The following IDE variants were observed in gnomAD, a reference collection of about 807,000 sequenced individuals.
The protein encoded by IDE is insulin-degrading enzyme.
In IDE, 58 loss-of-function variants were observed where a neutral mutation model predicts 133.2. The ratio of observed to expected loss-of-function variants is 0.44; its 90% CI spans 0.35 to 0.54. The LOEUF (loss-of-function observed/expected upper bound fraction) is 0.54. Among genes scored for constraint, IDE ranks in the 20% least tolerant of loss-of-function variants. IDE has a pLI of 0.00. For synonymous variants in IDE, 396 were observed against 421.3 expected (o/e 0.94, Z 0.73); for missense variants, 981 against 1,234.0 (o/e 0.79, Z 3.07).
At chr10:92,454,610 G>T in intron 24 of IDE, 71 bp from the exon 25 acceptor site, 1 of 1,097,070 alleles carries the variant, frequency 9.1e-7, no homozygotes, top group Non-Finnish European at 1.4e-6. Context: ...ACTTTTTTTG[G>T]CGGACACTGG....
At chr10:92,550,405 T>A (rs1489026491) in intron 1 of IDE, among the ~76,000 whole-genome samples, 1 of 152,046 alleles carries the variant, frequency 6.6e-6, no homozygotes, top group Non-Finnish European at 1.5e-5. Context: ...ATGCTCAACA[T>A]CACTAATCAT....
At position 92,479,257 on chromosome 10, in the gene IDE, T is replaced by C. The variant is rs1437984806; in HGVS notation, c.1884+20A>G. ...TAAAAAATGTTGATGAGTGGAAGGC[T>C]CTAAGGCGTGGGTACTTACATACAT... On this transcript the variant is annotated intron_variant, in intron 15 of 24. Transcript: ENST00000265986. The C allele has an allele frequency of 6.3e-7, 1 of 1,583,390 alleles. No homozygotes were observed. Among genetic ancestry groups the C allele is most frequent in the Non-Finnish European group, 8.7e-7 (1 of 1,155,440 alleles).
Position 92,453,892 on chromosome 10 carries a change from G to T in IDE, c.*552C>A, listed in dbSNP as rs929756685. 14 of 152,138 alleles carry T rather than the reference G, an allele frequency of 9.2e-5. No individual in the cohort carries two copies. The highest frequency in any genetic ancestry group is 2.9e-5 in the Non-Finnish European group (2 of 68,042). 9.4% of individuals were successfully genotyped at this position (152,138 alleles called of 1,614,324 possible). A position where few individuals can be genotyped will look rare whatever the true frequency, so the allele number is the denominator to read the frequency against. ...AAAACATGTTCAAATTTTATAAAAA[G>T]ATTAAAACCATGCCTTATATAACCA... On this transcript the variant is annotated 3_prime_UTR_variant, in exon 25 of 25. Coordinates refer to ENST00000265986, the MANE Select transcript of IDE (RefSeq NM_004969.4).
intron 19 of IDE, among the ~76,000 whole-genome samples, chr10:92,466,740 C>T (rs1845711813): frequency 6.6e-6 from 1 of 152,038 alleles, no homozygotes; most frequent in East Asian, 1.9e-4. Flanking sequence ...ACCTCAGCCT[C>T]CCAAGTAGCC....
chr10:92,526,810 C>T (rs1040287720), intron 4 of IDE, among the ~76,000 whole-genome samples: 4 of 140,508 alleles, frequency 2.8e-5, no homozygotes, highest in African/African-American at 8.2e-5. Context: ...TGCACCACTG[C>T]ATTCCAGCCT....
intron 11 of IDE, among the ~76,000 whole-genome samples, chr10:92,495,688 C>T (rs977444297): frequency 1.3e-5 from 2 of 151,518 alleles, no homozygotes; most frequent in Non-Finnish European, 2.9e-5. Flanking sequence ...TTAGATGAAC[C>T]CTCTCCTTCC....
intron 2 of IDE, among the ~76,000 whole-genome samples, chr10:92,535,618 T>C (rs1841957911): frequency 6.6e-6 from 1 of 152,206 alleles, no homozygotes; most frequent in African/African-American, 2.4e-5. Context: ...GTCTAAGGCA[T>C]TATGGTAGGC....
At chr10:92,557,295 G>A (rs1010776623) in intron 1 of IDE, among the ~76,000 whole-genome samples, 3 of 152,164 alleles carry the variant, frequency 2.0e-5, no homozygotes, top group African/African-American at 7.2e-5. Context: ...CCAGCACTTT[G>A]GGAGGCCGAG....
intron 1 of IDE, among the ~76,000 whole-genome samples, chr10:92,548,407 A>G (rs1564670193): frequency 6.7e-6 from 1 of 150,134 alleles, no homozygotes; most frequent in Non-Finnish European, 1.5e-5. Context: ...TGAAATGTAT[A>G]CATGGCTCAT....
intron 11 of IDE, among the ~76,000 whole-genome samples, chr10:92,497,083 G>GT (rs375688504): frequency 2.5e-4 from 38 of 152,300 alleles, no homozygotes; most frequent in African/African-American, 9.1e-4. Flanking sequence ...GAAAACCGTC[G>GT]TTATCACTAG....
Position 92,474,937 on chromosome 10 carries a change from G to A in IDE, c.2020C>T (p.Arg674Trp), listed in dbSNP as rs1394653409. 5 of 1,612,276 alleles carry A rather than the reference G, an allele frequency of 3.1e-6. No individual in the cohort carries two copies. The highest frequency in any genetic ancestry group is 2.2e-5 in the South Asian group (2 of 90,830). ...EAYMRSLNNF[R>W]AEQPHQHAMY... ...GCATGCTGGTGAGGCTGTTCAGCCC[G>A]GAAATTGTTAAGAGATCGCATATAC... The change falls in exon 17 of 25, where the codon CGG (arginine) becomes TGG (tryptophan). Residue 674 changes from arginine (R) to tryptophan (W), a missense_variant. Arg to Trp is a moderately radical substitution (Grantham distance 101, BLOSUM62 -3). Transcript: ENST00000265986.
intron 1 of IDE, among the ~76,000 whole-genome samples, chr10:92,563,416 C>A (rs1284564165): frequency 1.3e-5 from 2 of 151,114 alleles, no homozygotes; most frequent in Non-Finnish European, 1.5e-5. Flanking sequence ...TGCACCATTG[C>A]ACTCCAGCCT....
chr10:92,486,353 AAAAAG>A (rs1484711530), intron 13 of IDE, among the ~76,000 whole-genome samples: 2 of 152,184 alleles, frequency 1.3e-5, no homozygotes, highest in Non-Finnish European at 2.9e-5. Context: ...TCTGTCTCAA[AAAAAG>A]AAAAGAAAAT....
intron 1 of IDE, among the ~76,000 whole-genome samples, chr10:92,566,076 C>A (rs1286517637): frequency 6.6e-6 from 1 of 151,862 alleles, no homozygotes; most frequent in Non-Finnish European, 1.5e-5. Context: ...ACATATGTAG[C>A]CAGGTGCAGT....
chr10:92,542,836 T>C (rs1212998799), intron 1 of IDE, among the ~76,000 whole-genome samples: 2 of 152,198 alleles, frequency 1.3e-5, no homozygotes, highest in Non-Finnish European at 2.9e-5. Context: ...GACTAAGACA[T>C]GTAAAGGCCT....
intron 17 of IDE, among the ~76,000 whole-genome samples, chr10:92,470,727 T>C (rs1252844457): frequency 1.5e-4 from 23 of 152,192 alleles, no homozygotes; most frequent in Admixed American, 1.5e-3. Flanking sequence ...AGTTATTTTA[T>C]AGAAGTCCCA....
intron 11 of IDE, among the ~76,000 whole-genome samples, chr10:92,503,362 G>A (rs146184952): frequency 6.6e-6 from 1 of 152,258 alleles, no homozygotes; most frequent in Non-Finnish European, 1.5e-5. Context: ...TACAGATAGG[G>A]TGTCACTATG....
intron 4 of IDE, among the ~76,000 whole-genome samples, chr10:92,530,082 C>T (rs971068467): frequency 1.3e-5 from 2 of 151,938 alleles, no homozygotes; most frequent in Non-Finnish European, 2.9e-5. Context: ...ACAAATTAGC[C>T]GGGCATGGTG....
chr10:92,525,003 G>A (rs867426950), intron 4 of IDE, among the ~76,000 whole-genome samples: 2 of 151,964 alleles, frequency 1.3e-5, no homozygotes, highest in Non-Finnish European at 1.5e-5. Flanking sequence ...GCTCATGCCT[G>A]TAATCCCAGC....
Sources: gnomAD v4.1 joint callset for allele counts (sites outside exome capture counted in the v4.1 genomes callset) on GRCh38, gnomAD v4.1.1 for gene constraint, MANE v1.5 for transcripts, NCBI Gene and HGNC (gene_info 2026-07-23, HGNC 2026-07-21) for gene names.